Variants in FARS2 observed in about 807,000 individuals in gnomAD.
The protein encoded by FARS2 is phenylalanine--tRNA ligase, mitochondrial.
In FARS2, 40 loss-of-function variants were observed where a neutral mutation model predicts 46.4. The ratio of observed to expected loss-of-function variants is 0.86; its 90% confidence interval spans 0.67 to 1.12. The LOEUF is 1.12. FARS2 is among the 50% of genes most tolerant of loss of function. The pLI is 0.00. For missense variants in FARS2, 513 were observed against 567.9 expected (o/e 0.90, Z 0.98); for synonymous variants, 234 against 214.9 (o/e 1.09, Z -0.78).
In FARS2 at chr6:5,576,272, G is replaced by A. The variant is rs534850108; in HGVS notation, c.1065+30932G>A. On this transcript the variant is annotated intron_variant, in intron 5 of 6. Coordinates refer to ENST00000274680, the MANE Select transcript of FARS2 (RefSeq NM_006567.5). ...CATTTGAGTCAGTGGGCTAGGAAAG[G>A]CAGATCCACCCTTAATCTGGGAAGG... is the stretch of plus-strand genomic sequence containing the variant. Among the ~76,000 whole-genome samples, 9 of 152,190 alleles carry A rather than the reference G, an allele frequency of 5.9e-5. No homozygotes were observed. In the South Asian group the frequency reaches 1.2e-3, roughly 21 times the overall value.
intron 1 of FARS2, among the ~76,000 whole-genome samples, chr6:5,268,121 T>C (rs1765679203): frequency 6.6e-6 from 1 of 152,132 alleles, no homozygotes; most frequent in Admixed American, 6.6e-5. Flanking sequence ...GTCAGATGGA[T>C]AGATTGCAAA....
intron 1 of FARS2, among the ~76,000 whole-genome samples, chr6:5,363,243 G>A (rs1365581872): frequency 1.3e-5 from 2 of 151,990 alleles, no homozygotes; most frequent in Non-Finnish European, 2.9e-5. Context: ...CCATTTTTAA[G>A]TTATTTGCTT....
At chr6:5,342,637 A>G (rs1771737472) in intron 1 of FARS2, among the ~76,000 whole-genome samples, 4 of 152,048 alleles carry the variant, frequency 2.6e-5, no homozygotes, top group Admixed American at 1.3e-4. Flanking sequence ...CTGTAATCCC[A>G]GCTATTCGGG....
intron 6 of FARS2, among the ~76,000 whole-genome samples, chr6:5,617,160 AT>A (rs1775519693): frequency 6.6e-6 from 1 of 152,224 alleles, no homozygotes; most frequent in Non-Finnish European, 1.5e-5. Context: ...TCTAAAAAAA[AT>A]AGAGTATTAG....
chr6:5,320,250 T>G (rs1769869520), intron 1 of FARS2, among the ~76,000 whole-genome samples: 1 of 152,232 alleles, frequency 6.6e-6, no homozygotes, highest in Non-Finnish European at 1.5e-5. Flanking sequence ...CTGGCTCGTC[T>G]AACAGATGGA....
the FARS2 span, among the ~76,000 whole-genome samples, chr6:5,253,520 T>C: frequency 6.6e-6 from 1 of 152,220 alleles, no homozygotes; most frequent in South Asian, 2.1e-4. Flanking sequence ...TTTTCTTATT[T>C]GAGCTCAAAA....
At chr6:5,397,413 C>T (rs567996070) in intron 2 of FARS2, among the ~76,000 whole-genome samples, 1 of 152,192 alleles carries the variant, frequency 6.6e-6, no homozygotes, top group Non-Finnish European at 1.5e-5. Flanking sequence ...TGTACAACTC[C>T]AAGAGTGAGC....
At chr6:5,435,451 A>C (rs1339644289) in intron 4 of FARS2, among the ~76,000 whole-genome samples, 1 of 152,236 alleles carries the variant, frequency 6.6e-6, no homozygotes, top group Non-Finnish European at 1.5e-5. Flanking sequence ...TGTGTGGAAC[A>C]CAGCTCTTTT....
At chr6:5,464,833 C>A (rs1765428163) in intron 4 of FARS2, among the ~76,000 whole-genome samples, 1 of 152,112 alleles carries the variant, frequency 6.6e-6, no homozygotes, top group Non-Finnish European at 1.5e-5. Flanking sequence ...GAGAGGTCAA[C>A]AATTTATTAA....
At chr6:5,652,693 C>T (rs112381852) in intron 6 of FARS2, among the ~76,000 whole-genome samples, 3,058 of 152,298 alleles carry the variant, frequency 0.02, 72 homozygotes, top group African/African-American at 0.048. Context: ...TGTTACCGTC[C>T]GTGGCCTTGT....
At chr6:5,486,764 T>A (rs562917554) in intron 4 of FARS2, among the ~76,000 whole-genome samples, 1 of 152,216 alleles carries the variant, frequency 6.6e-6, no homozygotes, top group Non-Finnish European at 1.5e-5. Context: ...CAGCCACGTT[T>A]CCATCATGGG....
intron 4 of FARS2, among the ~76,000 whole-genome samples, chr6:5,539,384 G>GTGTGTATA: frequency 3.1e-4 from 25 of 79,566 alleles, no homozygotes; most frequent in African/African-American, 5.6e-4. Flanking sequence ...TTTTTTTTGT[G>GTGTGTATA]TATATATATA....
chr6:5,353,726 G>GTTTTTTTTTTTTTTTTTTTTTTTTT (rs55998904), intron 1 of FARS2, among the ~76,000 whole-genome samples: 3 of 40,360 alleles, frequency 7.4e-5, no homozygotes, highest in East Asian at 1.3e-3. Flanking sequence ...AATATTTGGT[G>GTTTTTTTTTTTTTTTTTTTTTTTTT]TTTTTTTTTT....
intron 3 of FARS2, 75 bp downstream of exon 3, chr6:5,404,776 T>G (rs1360861810): frequency 9.8e-6 from 10 of 1,024,162 alleles, no homozygotes; most frequent in Middle Eastern, 3.5e-4. Flanking sequence ...TTTGGGTTTT[T>G]TTTTTTTTTT....
rs370365721 is a variant in FARS2, at chr6:5,632,457, T to C, written c.1217+19137T>C. Reference sequence around the variant, plus strand: ...AGCCATTTTGAAGCGGGCAATTCAGTGATACTTAATGTAACGACCACCGCT... The same window carrying C: ...AGCCATTTTGAAGCGGGCAATTCAGCGATACTTAATGTAACGACCACCGCT... On this transcript the variant is annotated intron_variant, in intron 6 of 6. Transcript: ENST00000274680. Among the ~76,000 whole-genome samples the C allele has an allele frequency of 2.0e-5, 3 of 152,268 alleles. No homozygotes were observed. The East Asian group carries it at 5.8e-4, about 29-fold the overall frequency.
intron 1 of FARS2, among the ~76,000 whole-genome samples, chr6:5,301,791 TCACACACACATACACA>T (rs1768322506): frequency 1.7e-5 from 2 of 115,594 alleles, no homozygotes; most frequent in Admixed American, 9.1e-5. Flanking sequence ...AGATGCTATC[TCACACACACATACACA>T]CACACACACA....
chr6:5,467,547 G>A (rs1278797215), intron 4 of FARS2, among the ~76,000 whole-genome samples: 1 of 152,146 alleles, frequency 6.6e-6, no homozygotes, highest in Non-Finnish European at 1.5e-5. Context: ...TCCTCTTCCT[G>A]TGTCAACTCC....
intron 1 of FARS2, chr6:5,291,230 A>T (rs1767482451): frequency 6.6e-6 from 1 of 152,230 alleles, no homozygotes; most frequent in South Asian, 2.1e-4. Context: ...AGTCTTGTTG[A>T]CATGATCTCA....
At chr6:5,719,960 G>A (rs889518093) in intron 6 of FARS2, among the ~76,000 whole-genome samples, 2 of 152,136 alleles carry the variant, frequency 1.3e-5, no homozygotes, top group East Asian at 1.9e-4. Flanking sequence ...TAACCACCAC[G>A]TCTATTGTCT....
Sources: allele counts gnomAD v4.1 joint callset (sites outside exome capture counted in the v4.1 genomes callset), GRCh38; gene constraint gnomAD v4.1.1; transcripts MANE v1.5; gene names NCBI Gene and HGNC (gene_info 2026-07-23, HGNC 2026-07-21).